Variants in LUZP2 observed in about 807,000 individuals in gnomAD.
LUZP2 encodes the protein leucine zipper protein 2.
Under a neutral mutation model 51.6 loss-of-function variants are expected in LUZP2, and 52 were observed. The ratio of observed to expected loss-of-function variants is 1.01; its 90% confidence interval spans 0.81 to 1.27. The LOEUF (loss-of-function observed/expected upper bound fraction) is 1.27. Ranked by LOEUF, LUZP2 falls within the 50% of genes most tolerant of loss-of-function variation. The pLI is 0.00. For synonymous variants in LUZP2, 154 were observed against 137.3 expected (o/e 1.12, Z -0.85); for missense variants, 436 against 395.4 (o/e 1.10, Z -0.87).
At chr11:24,936,222 C>A (rs1009343244) in intron 7 of LUZP2, among the ~76,000 whole-genome samples, 1 of 152,170 alleles carries the variant, frequency 6.6e-6, no homozygotes, top group East Asian at 1.9e-4. Context: ...AAGGGCTGAA[C>A]CCCTAAGTGG....
intron 1 of LUZP2, among the ~76,000 whole-genome samples, chr11:24,568,157 C>T (rs1052882634): frequency 1.3e-5 from 2 of 152,008 alleles, no homozygotes; most frequent in East Asian, 1.9e-4. Context: ...ATTAGGAGTT[C>T]GAGACCAGCC....
chr11:24,767,935 C>G (rs1174467750), intron 5 of LUZP2, among the ~76,000 whole-genome samples: 3 of 151,612 alleles, frequency 2.0e-5, no homozygotes, highest in Admixed American at 1.3e-4. Context: ...TTTATTCTGA[C>G]TTTCACTTTC....
chr11:24,542,879 G>A (rs1851417893), intron 1 of LUZP2, among the ~76,000 whole-genome samples: 1 of 149,874 alleles, frequency 6.7e-6, no homozygotes, highest in Non-Finnish European at 1.5e-5. Flanking sequence ...TATGGGGTTT[G>A]TTTTCTTTGA....
intron 7 of LUZP2, among the ~76,000 whole-genome samples, chr11:24,943,917 A>G (rs1389065180): frequency 2.0e-5 from 3 of 151,492 alleles, no homozygotes; most frequent in Non-Finnish European, 4.4e-5. Context: ...GCCACAGTCT[A>G]TTAAGTGTCT....
In LUZP2 at chr11:24,602,118, GTA is replaced by G. The variant is rs1442510220; in HGVS notation, c.62+104819_62+104820del. ...TATATATGTGTATATGTGTATATAT[GTA>G]TATATGTATATGTGTATATATGTAT... is the stretch of plus-strand genomic sequence containing the variant. On this transcript the variant is annotated intron_variant, in intron 1 of 11. Transcript: ENST00000336930. Among the ~76,000 whole-genome samples, 497 of 129,416 alleles carry G rather than the reference GTA, an allele frequency of 3.8e-3. 15 individuals are homozygous for G. The highest frequency in any genetic ancestry group is 0.027 in the East Asian group (130 of 4,902). The allele number at this position is 129,416 out of a possible 152,430, so 84.9% of individuals were successfully genotyped here. A position where few individuals can be genotyped will look rare whatever the true frequency, so the allele number is the denominator to read the frequency against.
chr11:24,971,266 C>T (rs10742061), intron 7 of LUZP2, among the ~76,000 whole-genome samples: 137,800 of 152,082 alleles, frequency 0.91, 63,740 homozygotes, highest in Non-Finnish European at 0.99. Context: ...ATATTTGTCA[C>T]TAGATTCTCA....
At chr11:24,566,215 CTG>C (rs1325871084) in intron 1 of LUZP2, among the ~76,000 whole-genome samples, 1 of 151,144 alleles carries the variant, frequency 6.6e-6, no homozygotes, top group African/African-American at 2.4e-5. Context: ...CCAAAAGTAA[CTG>C]TATTAAAAAA....
chr11:24,775,675 C>T (rs1438530939), intron 5 of LUZP2, among the ~76,000 whole-genome samples: 1 of 152,034 alleles, frequency 6.6e-6, no homozygotes, highest in Non-Finnish European at 1.5e-5. Context: ...GCTAGGATAA[C>T]ACCATTGTAT....
chr11:24,526,036 A>G (rs1052392110), intron 1 of LUZP2, among the ~76,000 whole-genome samples: 1 of 151,418 alleles, frequency 6.6e-6, no homozygotes, highest in Non-Finnish European at 1.5e-5. Context: ...ATACTGAGGT[A>G]CTTTCAATAT....
rs1368989174 is a variant in LUZP2, at chr11:24,763,159, T to C, written c.334-87T>C. 4 of 646,852 alleles carry C rather than the reference T, an allele frequency of 6.2e-6. No individual in the cohort carries two copies. In the South Asian group the frequency reaches 1.4e-4, roughly 23 times the overall value. The allele number at this position is 646,852 out of a possible 1,614,324, so 40.1% of individuals were successfully genotyped here. On this transcript the variant is annotated intron_variant, in intron 4 of 11. Transcript: ENST00000336930. Reference sequence around the variant, plus strand: ...TTTCAATATTTGTTAATAAATAATTTATTATTTCTCAAAATAATGAAAAAA... The same window carrying C: ...TTTCAATATTTGTTAATAAATAATTCATTATTTCTCAAAATAATGAAAAAA...
intron 7 of LUZP2, among the ~76,000 whole-genome samples, chr11:24,920,251 C>A (rs952307190): frequency 6.6e-6 from 1 of 151,870 alleles, no homozygotes; most frequent in Non-Finnish European, 1.5e-5. Context: ...TTTTAAAATA[C>A]CATGTGTCAT....
chr11:24,956,136 G>A (rs1855202294), intron 7 of LUZP2, among the ~76,000 whole-genome samples: 1 of 151,962 alleles, frequency 6.6e-6, no homozygotes, highest in Non-Finnish European at 1.5e-5. Context: ...CATTAGAACA[G>A]AGATCATATG....
At chr11:24,874,676 A>G (rs1350805272) in intron 5 of LUZP2, among the ~76,000 whole-genome samples, 1 of 152,186 alleles carries the variant, frequency 6.6e-6, no homozygotes, top group Non-Finnish European at 1.5e-5. Flanking sequence ...ACAACACAAG[A>G]GTTCTTAACT....
In LUZP2 at chr11:24,502,368, T is replaced by G. The variant is rs990402241; in HGVS notation, c.62+5063T>G. On this transcript the variant is annotated intron_variant, in intron 1 of 11. Coordinates refer to ENST00000336930, the MANE Select transcript of LUZP2 (RefSeq NM_001009909.4). ...TTATTTGGTTATTAGGCTAGTTTTTTTCCAAAGTATTTTGTTTGTTTGTTT... is the reference window on the plus strand; with the variant it reads ...TTATTTGGTTATTAGGCTAGTTTTTGTCCAAAGTATTTTGTTTGTTTGTTT... Among the ~76,000 whole-genome samples the G allele has an allele frequency of 4.8e-5, 7 of 146,098 alleles. 1 individual carries two copies. Among genetic ancestry groups the G allele is most frequent in the Admixed American group, 2.1e-4 (3 of 14,462 alleles).
At chr11:25,054,592 T>A (rs867718647) in intron 10 of LUZP2, among the ~76,000 whole-genome samples, 1 of 152,196 alleles carries the variant, frequency 6.6e-6, no homozygotes, top group Non-Finnish European at 1.5e-5. Context: ...TATCTTTTTT[T>A]AATTGAACTT....
At chr11:25,045,272 G>A (rs1858269206) in intron 9 of LUZP2, among the ~76,000 whole-genome samples, 1 of 151,572 alleles carries the variant, frequency 6.6e-6, no homozygotes, top group Admixed American at 6.6e-5. Context: ...AAATTAAGTG[G>A]AATAGCATCA....
chr11:25,060,707 G>A (rs566785763), intron 10 of LUZP2, among the ~76,000 whole-genome samples: 26 of 152,222 alleles, frequency 1.7e-4, no homozygotes, highest in Middle Eastern at 3.4e-3. Context: ...GTTTTCAACA[G>A]TATAAATAAA....
chr11:24,787,919 C>T (rs182650074), intron 5 of LUZP2, among the ~76,000 whole-genome samples: 1 of 152,094 alleles, frequency 6.6e-6, no homozygotes, highest in South Asian at 2.1e-4. Context: ...TGTCACCAAG[C>T]CTTGCTGTCT....
chr11:24,759,928 T>C (rs1859920916), intron 4 of LUZP2, among the ~76,000 whole-genome samples: 2 of 152,082 alleles, frequency 1.3e-5, no homozygotes, highest in African/African-American at 4.8e-5. Context: ...CAAGTGCCCC[T>C]GGTGGTCGGG....
Sources: gnomAD v4.1 joint callset for allele counts (sites outside exome capture counted in the v4.1 genomes callset) on GRCh38, gnomAD v4.1.1 for gene constraint, MANE v1.5 for transcripts, NCBI Gene and HGNC (gene_info 2026-07-23, HGNC 2026-07-21) for gene names.